Variants in SLC16A12 observed in about 807,000 individuals in gnomAD.
The protein encoded by SLC16A12 is monocarboxylate transporter 12.
SLC16A12 carries 17 observed loss-of-function variants against 42.4 expected under a neutral mutation model. The ratio of observed to expected loss-of-function variants is 0.40; its 90% confidence interval spans 0.27 to 0.60. The LOEUF (loss-of-function observed/expected upper bound fraction) is 0.60, where lower values mean the gene tolerates loss of function less well. Among genes scored for constraint, SLC16A12 ranks in the 20% least tolerant of loss-of-function variants. The probability of loss-of-function intolerance (pLI) is 0.42; values close to 1 mark genes in which losing one functional copy is unlikely to be tolerated. For synonymous variants in SLC16A12, 224 were observed against 229.4 expected, an observed-to-expected ratio of 0.98 and a Z score of 0.21; for missense variants, 544 against 623.0, an observed-to-expected ratio of 0.87 and a Z score of 1.35.
chr10:89,465,464 G>A (rs1210113092), intron 2 of SLC16A12, among the ~76,000 whole-genome samples: 1 of 152,186 alleles, frequency 6.6e-6, no homozygotes, highest in African/African-American at 2.4e-5. Flanking sequence ...TTGACCAGCT[G>A]TGAAATTTCA....
At chr10:89,455,322 C>T (rs995772341) in intron 3 of SLC16A12, among the ~76,000 whole-genome samples, 1 of 152,136 alleles carries the variant, frequency 6.6e-6, no homozygotes, top group African/African-American at 2.4e-5. Flanking sequence ...GTAACCATGT[C>T]TGTCCCTTGT....
rs1383111298 is a variant in SLC16A12, at chr10:89,430,595, C to T, written c.*2469G>A. On this transcript the variant is annotated 3_prime_UTR_variant, in exon 8 of 8. Coordinates refer to ENST00000371790, the MANE Select transcript of SLC16A12 (RefSeq NM_213606.4). ...AAATAAACAGTATAGACACATGGAA[C>T]ATTAACACTAAAATTCTGTGTAGAA... The T allele has an allele frequency of 1.3e-5, 6 of 459,126 alleles. No individual in the cohort carries two copies. Among genetic ancestry groups the T allele is most frequent in the Non-Finnish European group, 2.2e-5 (5 of 224,448 alleles). The allele number at this position is 459,126 out of a possible 1,614,324, so 28.4% of individuals were successfully genotyped here.
chr10:89,542,832 C>G (rs775008776), intron 2 of SLC16A12, among the ~76,000 whole-genome samples: 13 of 152,206 alleles, frequency 8.5e-5, no homozygotes, highest in Admixed American at 2.0e-4. Context: ...ACTCTTTTGC[C>G]TGTTGGTTGG....
intron 2 of SLC16A12, among the ~76,000 whole-genome samples, chr10:89,495,209 C>G (rs900948613): frequency 6.6e-6 from 1 of 152,058 alleles, no homozygotes; most frequent in Admixed American, 6.6e-5. Context: ...CAAAAATTAC[C>G]TGGTAGTGGT....
chr10:89,518,356 C>T (rs1043889706), intron 2 of SLC16A12, among the ~76,000 whole-genome samples: 11 of 152,156 alleles, frequency 7.2e-5, no homozygotes, highest in African/African-American at 1.2e-4. Flanking sequence ...CAAGCCTCAC[C>T]GAGGTAGGTC....
intron 2 of SLC16A12, among the ~76,000 whole-genome samples, chr10:89,485,710 A>G (rs1842733172): frequency 6.6e-6 from 1 of 152,218 alleles, no homozygotes; most frequent in South Asian, 2.1e-4. Context: ...ATGCAGGTGA[A>G]AGAAGAAATG....
At chr10:89,442,632 AT>A (rs1249039164) in intron 4 of SLC16A12, among the ~76,000 whole-genome samples, 2 of 152,134 alleles carry the variant, frequency 1.3e-5, no homozygotes, top group Non-Finnish European at 1.5e-5. Flanking sequence ...CGAATATATG[AT>A]TTTTTGATCC....
At chr10:89,525,455 T>C (rs1843434881) in intron 2 of SLC16A12, among the ~76,000 whole-genome samples, 1 of 152,150 alleles carries the variant, frequency 6.6e-6, no homozygotes, top group South Asian at 2.1e-4. Context: ...TTGATCTTTT[T>C]TTGGATATGG....
rs545863462 is a variant in SLC16A12 at position 89,520,840 on chromosome 10, G to A, written c.-47+13661C>T. On this transcript the variant is annotated intron_variant, in intron 2 of 7. Coordinates refer to ENST00000371790, the MANE Select transcript of SLC16A12 (RefSeq NM_213606.4). ...CAGCTTAACTGAGATTGGAAATAAA[G>A]TACTTACTAGAGTGCCTGGATATGA... Among the ~76,000 whole-genome samples the A allele has an allele frequency of 1.4e-4, 22 of 151,854 alleles. No homozygotes were observed. The East Asian group carries it at 4.1e-3, about 28-fold the overall frequency.
At chr10:89,531,535 C>T (rs970386669) in intron 2 of SLC16A12, among the ~76,000 whole-genome samples, 3 of 152,178 alleles carry the variant, frequency 2.0e-5, no homozygotes, top group Non-Finnish European at 4.4e-5. Context: ...TTTCCCACAG[C>T]GGTCTCTGTG....
At chr10:89,472,170 C>A (rs1290092293) in intron 2 of SLC16A12, among the ~76,000 whole-genome samples, 1 of 152,010 alleles carries the variant, frequency 6.6e-6, no homozygotes, top group Non-Finnish European at 1.5e-5. Context: ...GATTGCATTT[C>A]TCTATATTAG....
At chr10:89,487,141 G>C (rs903381853) in intron 2 of SLC16A12, among the ~76,000 whole-genome samples, 1 of 152,216 alleles carries the variant, frequency 6.6e-6, no homozygotes, top group African/African-American at 2.4e-5. Flanking sequence ...TCCTCTGAAT[G>C]AACACAACCA....
chr10:89,441,342 T>TAA, intron 4 of SLC16A12, 91 bp from the exon 5 acceptor site: 1 of 1,513,226 alleles, frequency 6.6e-7, no homozygotes, highest in Non-Finnish European at 9.1e-7. Flanking sequence ...AGAGAACCTT[T>TAA]AAAGCATTGA....
chr10:89,513,191 C>T (rs761923546), intron 2 of SLC16A12, among the ~76,000 whole-genome samples: 21 of 151,852 alleles, frequency 1.4e-4, no homozygotes, highest in Non-Finnish European at 2.8e-4. Context: ...AAAATGAAAC[C>T]GCGATCATTT....
At chr10:89,446,550 G>A (rs1471171296) in intron 3 of SLC16A12, among the ~76,000 whole-genome samples, 2 of 152,114 alleles carry the variant, frequency 1.3e-5, no homozygotes, top group Non-Finnish European at 2.9e-5. Flanking sequence ...TCACACACAA[G>A]CAAATGCTGA....
At chr10:89,516,836 C>G (rs1226287516) in intron 2 of SLC16A12, among the ~76,000 whole-genome samples, 1 of 152,184 alleles carries the variant, frequency 6.6e-6, no homozygotes, top group African/African-American at 2.4e-5. Context: ...CAGGAATCCA[C>G]TAAATCCATA....
At chr10:89,515,235 C>A (rs187391586) in intron 2 of SLC16A12, among the ~76,000 whole-genome samples, 1 of 152,126 alleles carries the variant, frequency 6.6e-6, no homozygotes, top group East Asian at 1.9e-4. Context: ...TTCTGTAATA[C>A]ATACAGCCTG....
At chr10:89,463,800 C>T (rs1842344301) in intron 2 of SLC16A12, among the ~76,000 whole-genome samples, 1 of 152,160 alleles carries the variant, frequency 6.6e-6, no homozygotes, top group Non-Finnish European at 1.5e-5. Flanking sequence ...TAACATGTGT[C>T]AGGCACCGTT....
intron 2 of SLC16A12, among the ~76,000 whole-genome samples, chr10:89,525,770 T>A (rs1422785806): frequency 6.6e-6 from 1 of 152,134 alleles, no homozygotes; most frequent in Non-Finnish European, 1.5e-5. Flanking sequence ...AAAACACAAT[T>A]AGCTACAGAC....
Sources: allele counts gnomAD v4.1 joint callset (sites outside exome capture counted in the v4.1 genomes callset), GRCh38; gene constraint gnomAD v4.1.1; transcripts MANE v1.5; gene names NCBI Gene and HGNC (gene_info 2026-07-23, HGNC 2026-07-21).